The following ADGRB3 variants were observed in gnomAD, a reference collection of about 807,000 sequenced individuals.
The protein encoded by ADGRB3 is adhesion G protein-coupled receptor B3, also known as brain-specific angiogenesis inhibitor 3.
Under a neutral mutation model 193.4 loss-of-function variants are expected in ADGRB3, and 37 were observed. The observed-to-expected ratio is 0.19, with a 90% CI of 0.15 to 0.25. The LOEUF is 0.25. ADGRB3 is among the 10% of genes least tolerant of loss of function. The probability of loss-of-function intolerance (pLI) is 1.00; values close to 1 mark genes in which losing one functional copy is unlikely to be tolerated. For synonymous variants in ADGRB3, 690 were observed against 644.2 expected, an observed-to-expected ratio of 1.07 and a Z score of -1.08; for missense variants, 1,637 against 1,852.9, an observed-to-expected ratio of 0.88 and a Z score of 2.14.
chr6:68,771,387 C>T (rs1403921), intron 3 of ADGRB3, among the ~76,000 whole-genome samples: 81 of 8,724 alleles, frequency 9.3e-3, no homozygotes, highest in African/African-American at 0.044. Context: ...GGAATATATA[C>T]ACACACACAC....
At chr6:68,680,798 G>A (rs1471771915) in intron 3 of ADGRB3, among the ~76,000 whole-genome samples, 1 of 152,028 alleles carries the variant, frequency 6.6e-6, no homozygotes, top group Non-Finnish European at 1.5e-5. Flanking sequence ...TATTGGACTT[G>A]GAAATTAGAT....
At chr6:68,960,146 A>G (rs1768191908) in intron 8 of ADGRB3, among the ~76,000 whole-genome samples, 1 of 152,138 alleles carries the variant, frequency 6.6e-6, no homozygotes, top group Admixed American at 6.6e-5. Flanking sequence ...TTCTAGGATC[A>G]TTACTCTTTA....
intron 20 of ADGRB3, among the ~76,000 whole-genome samples, chr6:69,283,431 G>GGT (rs1236156049): frequency 1.3e-5 from 2 of 152,022 alleles, no homozygotes; most frequent in African/African-American, 2.4e-5. Context: ...CATATTTTTG[G>GGT]GTAGAGGCCT....
intron 15 of ADGRB3, among the ~76,000 whole-genome samples, chr6:69,051,244 C>T (rs887284220): frequency 6.6e-6 from 1 of 152,066 alleles, no homozygotes; most frequent in African/African-American, 2.4e-5. Flanking sequence ...TCCCCTGATG[C>T]CACGTGTAAC....
intron 3 of ADGRB3, among the ~76,000 whole-genome samples, chr6:68,797,943 A>G (rs554015699): frequency 1.3e-5 from 2 of 152,294 alleles, no homozygotes; most frequent in African/African-American, 4.8e-5. Context: ...ACTAGTTACC[A>G]ATGAATATAG....
chr6:69,223,926 G>C (rs1354566299), intron 17 of ADGRB3, among the ~76,000 whole-genome samples: 1 of 151,724 alleles, frequency 6.6e-6, no homozygotes, highest in African/African-American at 2.4e-5. Flanking sequence ...CAAAGTGTTA[G>C]GATTACAGGT....
chr6:68,855,445 C>T (rs1764956005), intron 3 of ADGRB3, among the ~76,000 whole-genome samples: 1 of 145,026 alleles, frequency 6.9e-6, no homozygotes, highest in Admixed American at 6.9e-5. Context: ...TTAATGTAAT[C>T]ATGTGTTGAC....
chr6:68,654,208 C>T (rs897145681), intron 3 of ADGRB3, among the ~76,000 whole-genome samples: 1 of 151,944 alleles, frequency 6.6e-6, no homozygotes, highest in Non-Finnish European at 1.5e-5. Context: ...ATTCTTATCT[C>T]CCCTCAGAGG....
chr6:69,097,379 CTT>C (rs1301826753), intron 17 of ADGRB3, among the ~76,000 whole-genome samples: 1 of 152,136 alleles, frequency 6.6e-6, no homozygotes, highest in Non-Finnish European at 1.5e-5. Context: ...AATTAATTAA[CTT>C]TTGCTGAAAG....
intron 3 of ADGRB3, 145 bp from the exon 4 acceptor site, chr6:68,930,414 C>T: frequency 1.0e-5 from 5 of 481,262 alleles, no homozygotes; most frequent in South Asian, 5.2e-5. Context: ...AGAGATATTC[C>T]AAGCAGATTA....
chr6:69,246,043 G>C (rs1248051650), intron 20 of ADGRB3, among the ~76,000 whole-genome samples: 1 of 152,070 alleles, frequency 6.6e-6, no homozygotes, highest in African/African-American at 2.4e-5. Context: ...TATTTTTCTA[G>C]GGCCTGTTTT....
chr6:68,819,944 A>G (rs550710499), intron 3 of ADGRB3, among the ~76,000 whole-genome samples: 24 of 152,180 alleles, frequency 1.6e-4, no homozygotes, highest in Admixed American at 3.3e-4. Flanking sequence ...ATTTTAAATA[A>G]CCTTATCATT....
chr6:68,870,727 T>C (rs1250950169), intron 3 of ADGRB3, among the ~76,000 whole-genome samples: 4 of 152,192 alleles, frequency 2.6e-5, no homozygotes, highest in African/African-American at 7.2e-5. Context: ...TTATTGAACA[T>C]TTCTGAGATT....
intron 3 of ADGRB3, among the ~76,000 whole-genome samples, chr6:68,866,481 A>G (rs1287043933): frequency 6.6e-6 from 1 of 152,170 alleles, no homozygotes; most frequent in East Asian, 1.9e-4. Flanking sequence ...GCAGTGTGAA[A>G]ATGGATTAAT....
chr6:69,320,896 T>C (rs1768441673), intron 20 of ADGRB3, among the ~76,000 whole-genome samples: 1 of 150,910 alleles, frequency 6.6e-6, no homozygotes, highest in Non-Finnish European at 1.5e-5. Context: ...TTACAGTGTT[T>C]TGAGAAAATT....
chr6:68,832,540 T>C (rs1767975495), intron 3 of ADGRB3, among the ~76,000 whole-genome samples: 1 of 152,212 alleles, frequency 6.6e-6, no homozygotes, highest in Non-Finnish European at 1.5e-5. Flanking sequence ...TCAACAAAGA[T>C]GATACGTTAC....
chr6:69,032,204 G>A (rs1770733503), intron 13 of ADGRB3, among the ~76,000 whole-genome samples: 1 of 152,144 alleles, frequency 6.6e-6, no homozygotes, highest in South Asian at 2.1e-4. Flanking sequence ...TTCCCCAGTT[G>A]ACTTCATTGT....
chr6:68,831,502 GT>G (rs1322553441), intron 3 of ADGRB3, among the ~76,000 whole-genome samples: 1 of 152,038 alleles, frequency 6.6e-6, no homozygotes, highest in Non-Finnish European at 1.5e-5. Flanking sequence ...AGATATAGAA[GT>G]CTGTTTGGTT....
At chr6:68,671,265 G>T (rs749205432) in intron 3 of ADGRB3, among the ~76,000 whole-genome samples, 10 of 151,922 alleles carry the variant, frequency 6.6e-5, no homozygotes, top group Admixed American at 3.3e-4. Flanking sequence ...TTGTCGGATT[G>T]CTCTAGGTAG....
Sources: gnomAD v4.1 joint callset for allele counts (sites outside exome capture counted in the v4.1 genomes callset) on GRCh38, gnomAD v4.1.1 for gene constraint, MANE v1.5 for transcripts, NCBI Gene and HGNC (gene_info 2026-07-23, HGNC 2026-07-21) for gene names.